Variants in SLC2A12 observed in about 807,000 individuals in gnomAD.
The protein encoded by SLC2A12 is solute carrier family 2 member 12.
Under a neutral mutation model 41.8 loss-of-function variants are expected in SLC2A12, and 23 were observed. The ratio of observed to expected loss-of-function variants is 0.55; its 90% CI spans 0.40 to 0.78. The LOEUF (loss-of-function observed/expected upper bound fraction) is 0.78. SLC2A12 is among the 30% of genes least tolerant of loss of function. The probability of loss-of-function intolerance (pLI) is 0.00; values close to 1 mark genes in which losing one functional copy is unlikely to be tolerated. For missense variants in SLC2A12, 654 were observed against 745.6 expected, an observed-to-expected ratio of 0.88 and a Z score of 1.43; for synonymous variants, 295 against 285.9, an observed-to-expected ratio of 1.03 and a Z score of -0.32.
At position 134,006,868 on chromosome 6, in the gene SLC2A12, G is replaced by C; in HGVS notation, c.1511C>G (p.Ser504Cys). ...GAGATTGATGCCCCAGTTCATGCTA[G>C]AAGTTAAAGCCATGGCTCGTCCTCT... ...GIRGRAMALT[S>C]SMNWGINLLI... The change falls in exon 3 of 5, where the codon TCT (serine) becomes TGT (cysteine). Residue 504 changes from serine (S) to cysteine (C), a missense_variant. Ser to Cys is a moderately radical substitution (Grantham distance 112). Around this residue, in one of 3 missense-constraint regions of SLC2A12, gnomAD observed 134 missense variants for 180.5 expected, o/e 0.74. Coordinates refer to ENST00000275230, the MANE Select transcript of SLC2A12 (RefSeq NM_145176.3). 1 of 1,614,172 alleles carries C rather than the reference G, an allele frequency of 6.2e-7. No homozygotes were observed. The highest frequency in any genetic ancestry group is 8.5e-7 in the Non-Finnish European group (1 of 1,180,024).
chr6:134,016,681 A>G (rs1014409017), intron 2 of SLC2A12, among the ~76,000 whole-genome samples: 7 of 152,202 alleles, frequency 4.6e-5, no homozygotes, highest in Non-Finnish European at 1.0e-4. Context: ...TTAAACTGTG[A>G]CAGGCTAACT....
At position 134,029,633 on chromosome 6, in the gene SLC2A12, A is replaced by G; in HGVS notation, c.192T>C (p.Ala64=). 1 of 1,613,720 alleles carries G rather than the reference A, an allele frequency of 6.2e-7. No individual in the cohort carries two copies. The highest frequency in any genetic ancestry group is 8.5e-7 in the Non-Finnish European group (1 of 1,180,006). The change falls in exon 2 of 5, where the codon GCT becomes GCC. Residue 64 remains alanine, a synonymous_variant. Coordinates refer to ENST00000275230, the MANE Select transcript of SLC2A12 (RefSeq NM_145176.3). ...VGYELGIISG[A]LLQIKTLLAL... is the part of the protein sequence containing the mutation. ...CTAATAAGGTTTTGATCTGAAGAAG[A>G]GCCCCAGAGATGATCCCAAGTTCAT...
chr6:134,018,396 G>A (rs953836361), intron 2 of SLC2A12, among the ~76,000 whole-genome samples: 3 of 152,182 alleles, frequency 2.0e-5, no homozygotes, highest in Non-Finnish European at 2.9e-5. Flanking sequence ...CCTAAGTCCT[G>A]CATGGTGGTG....
At chr6:134,032,427 TA>T in intron 1 of SLC2A12, among the ~76,000 whole-genome samples, 1 of 24,946 alleles carries the variant, frequency 4.0e-5, no homozygotes, top group Non-Finnish European at 7.6e-5. Flanking sequence ...TATATATATT[TA>T]TATATATATA....
At chr6:134,037,380 A>C (rs2114495819) in intron 1 of SLC2A12, among the ~76,000 whole-genome samples, 1 of 144,098 alleles carries the variant, frequency 6.9e-6, no homozygotes, top group East Asian at 2.0e-4. Flanking sequence ...TTTTTTTTTC[A>C]GACGGAGTCT....
In SLC2A12 at chr6:133,987,648, G is replaced by GTGTGTGTGTATATATA. The variant is rs200249148; in HGVS notation, c.*3506_*3507insTATATATACACACACA. On this transcript the variant is annotated 3_prime_UTR_variant, in exon 5 of 5. Coordinates refer to ENST00000275230, the MANE Select transcript of SLC2A12 (RefSeq NM_145176.3). ...TTTGTGTGTGTGTGTGTGTGTGTGT[G>GTGTGTGTGTATATATA]TATATATATATATATATATGCACCA... 2 of 88,316 alleles carry GTGTGTGTGTATATATA rather than the reference G, an allele frequency of 2.3e-5. No individual in the cohort carries two copies. The highest frequency in any genetic ancestry group is 5.7e-5 in the Non-Finnish European group (2 of 35,238). The allele number at this position is 88,316 out of a possible 1,614,324, so 5.5% of individuals were successfully genotyped here.
At chr6:134,032,337 T>A (rs1356710904) in intron 1 of SLC2A12, among the ~76,000 whole-genome samples, 1 of 150,202 alleles carries the variant, frequency 6.7e-6, no homozygotes, top group Non-Finnish European at 1.5e-5. Context: ...CAGCAATTTA[T>A]CTAGCTAATC....
chr6:134,028,529 C>G lies in SLC2A12; in HGVS notation c.1296G>C (p.Thr432=). The change falls in exon 2 of 5, where the codon ACG becomes ACC. Residue 432 remains threonine, a synonymous_variant. Coordinates refer to ENST00000275230, the MANE Select transcript of SLC2A12 (RefSeq NM_145176.3). ...LRNDVDKRGE[T]TSASLLNAGL... ...CAGCATTTAGCAAGGATGCTGAGGTCGTCTCCCCTCTCTTATCCACATCAT... is the reference window on the plus strand; with the variant it reads ...CAGCATTTAGCAAGGATGCTGAGGTGGTCTCCCCTCTCTTATCCACATCAT... 1 of 1,614,140 alleles carries G rather than the reference C, an allele frequency of 6.2e-7. No individual in the cohort carries two copies. The highest frequency in any genetic ancestry group is 1.1e-5 in the South Asian group (1 of 91,062).
chr6:134,027,481 G>A (rs1335073793), intron 2 of SLC2A12, among the ~76,000 whole-genome samples: 1 of 152,162 alleles, frequency 6.6e-6, no homozygotes, highest in African/African-American at 2.4e-5. Flanking sequence ...TAGAAAGAAA[G>A]AGAAAGGAAG....
chr6:134,001,147 G>T (rs1468003910), intron 4 of SLC2A12, among the ~76,000 whole-genome samples: 2 of 149,396 alleles, frequency 1.3e-5, no homozygotes, highest in African/African-American at 4.9e-5. Context: ...GTTGGTTGGG[G>T]ACTGGGTGGG....
At chr6:134,037,499 C>T (rs1181762436) in intron 1 of SLC2A12, among the ~76,000 whole-genome samples, 3 of 151,958 alleles carry the variant, frequency 2.0e-5, no homozygotes, top group Admixed American at 1.3e-4. Flanking sequence ...GGACTATAGG[C>T]GTGCACCACC....
intron 4 of SLC2A12, among the ~76,000 whole-genome samples, chr6:133,992,978 C>T (rs1213410798): frequency 2.0e-5 from 3 of 152,170 alleles, no homozygotes; most frequent in African/African-American, 7.2e-5. Flanking sequence ...CCACATCAGT[C>T]AGCTTCTGTC....
At position 133,989,242 on chromosome 6, in the gene SLC2A12, T is replaced by A. The variant is rs1191468284; in HGVS notation, c.*1913A>T. 6.6e-6 allele frequency: 1 copy of A among 152,220 alleles called. No individual in the cohort carries two copies. Among genetic ancestry groups the A allele is most frequent in the African/African-American group, 2.4e-5 (1 of 41,534 alleles). The allele number at this position is 152,220 out of a possible 1,614,324, so 9.4% of individuals were successfully genotyped here. On this transcript the variant is annotated 3_prime_UTR_variant, in exon 5 of 5. Coordinates refer to ENST00000275230, the MANE Select transcript of SLC2A12 (RefSeq NM_145176.3). ...TATATATGTACAAGTTGTAAGTATT[T>A]CCCCCTTTTTATTTTTGAAAATCAA...
At chr6:134,034,261 A>G (rs1175080126) in intron 1 of SLC2A12, among the ~76,000 whole-genome samples, 2 of 152,186 alleles carry the variant, frequency 1.3e-5, no homozygotes, top group Non-Finnish European at 2.9e-5. Flanking sequence ...GCTTACCAAC[A>G]TGGAGTTATA....
chr6:134,034,624 CT>C (rs1378829807), intron 1 of SLC2A12, among the ~76,000 whole-genome samples: 1 of 152,052 alleles, frequency 6.6e-6, no homozygotes, highest in African/African-American at 2.4e-5. Flanking sequence ...GTAGAGATAC[CT>C]TTTTCTAAGA....
At chr6:134,031,679 C>A (rs1395569247) in intron 1 of SLC2A12, among the ~76,000 whole-genome samples, 1 of 151,992 alleles carries the variant, frequency 6.6e-6, no homozygotes, top group Admixed American at 6.5e-5. Flanking sequence ...AGAGGAGGGG[C>A]AAAAATCAAA....
intron 2 of SLC2A12, among the ~76,000 whole-genome samples, chr6:134,008,787 A>T (rs1562193440): frequency 6.6e-6 from 1 of 152,166 alleles, no homozygotes; most frequent in Non-Finnish European, 1.5e-5. Flanking sequence ...CAACCTCCCT[A>T]TACCCTTTCC....
chr6:134,022,533 A>AAAAAGAAAAG lies in SLC2A12; in HGVS notation c.1444+5838_1444+5847dup, dbSNP rs10689126. Among the ~76,000 whole-genome samples, 580 of 142,214 alleles carry AAAAAGAAAAG rather than the reference A, an allele frequency of 4.1e-3. 3 individuals carry two copies. Among genetic ancestry groups the AAAAAGAAAAG allele is most frequent in the East Asian group, 0.012 (58 of 4,832 alleles). The allele number at this position is 142,214 out of a possible 152,430, so 93.3% of individuals were successfully genotyped here. ...GTGACAAGAGTGAAACTCCATCTCAAAAAAGAAAAGAAAAGAAAAGAAAAG... is the reference window on the plus strand; with the variant it reads ...GTGACAAGAGTGAAACTCCATCTCAAAAAAGAAAAGAAAAGAAAAGAAAAGAAAAGAAAAG... On this transcript the variant is annotated intron_variant, in intron 2 of 4. Coordinates refer to ENST00000275230, the MANE Select transcript of SLC2A12 (RefSeq NM_145176.3).
intron 2 of SLC2A12, among the ~76,000 whole-genome samples, chr6:134,028,016 A>T (rs1777137715): frequency 6.6e-6 from 1 of 152,156 alleles, no homozygotes; most frequent in East Asian, 1.9e-4. Flanking sequence ...TTCCTTCTAC[A>T]TAGGAAGAAA....
Sources: gnomAD v4.1 joint callset for allele counts (sites outside exome capture counted in the v4.1 genomes callset) on GRCh38, gnomAD v4.1.1 for gene constraint, gnomAD v4.1.1 regional missense constraint, MANE v1.5 for transcripts, NCBI Gene and HGNC (gene_info 2026-07-23, HGNC 2026-07-21) for gene names.